MTUS2: variants seen among roughly 807,000 people sequenced by gnomAD.
The protein encoded by MTUS2 is microtubule associated scaffold protein 2, also known as microtubule-associated tumor suppressor candidate 2.
A neutral mutation model predicts 114.1 loss-of-function variants in MTUS2; 40 were observed. The ratio of observed to expected loss-of-function variants is 0.35; its 90% CI spans 0.27 to 0.46. The LOEUF (loss-of-function observed/expected upper bound fraction) is 0.46, where lower values mean the gene tolerates loss of function less well. Ranked by LOEUF, MTUS2 falls within the 20% of genes least tolerant of loss-of-function variation. The pLI, the probability that MTUS2 is intolerant of heterozygous loss-of-function variation, is 1.00. For synonymous variants in MTUS2, 688 were observed against 672.0 expected (o/e 1.02, Z -0.37); for missense variants, 1,679 against 1,705.4 (o/e 0.98, Z 0.27).
intron 5 of MTUS2, among the ~76,000 whole-genome samples, chr13:29,189,613 A>G (rs1003494384): frequency 4.0e-5 from 6 of 151,876 alleles, no homozygotes; most frequent in African/African-American, 1.2e-4. Flanking sequence ...GTACTTGACT[A>G]ATCTCTTGCT....
chr13:29,264,181 G>A, intron 5 of MTUS2, among the ~76,000 whole-genome samples: 1 of 152,220 alleles, frequency 6.6e-6, no homozygotes, highest in East Asian at 1.9e-4. Flanking sequence ...AACCCAGCAG[G>A]GCAGTCACTA....
intron 2 of MTUS2, among the ~76,000 whole-genome samples, chr13:28,943,108 C>G (rs769470220): frequency 3.3e-5 from 5 of 152,132 alleles, no homozygotes; most frequent in Non-Finnish European, 7.4e-5. Context: ...CTCAGACATT[C>G]CTATGAATGT....
chr13:28,979,844 A>G (rs1397727108), intron 2 of MTUS2, among the ~76,000 whole-genome samples: 2 of 152,194 alleles, frequency 1.3e-5, no homozygotes, highest in African/African-American at 2.4e-5. Context: ...CATTGAAATG[A>G]TATTACGATA....
chr13:29,482,201 A>T (rs1156990299), intron 10 of MTUS2: 1 of 152,052 alleles, frequency 6.6e-6, no homozygotes, highest in African/African-American at 2.4e-5. Flanking sequence ...CAGGCAGGAG[A>T]CCCTGAACGA....
At chr13:28,906,028 T>C (rs1475835300) in intron 2 of MTUS2, among the ~76,000 whole-genome samples, 13 of 151,752 alleles carry the variant, frequency 8.6e-5, no homozygotes, top group Non-Finnish European at 1.8e-4. Context: ...TTAGTTTTTC[T>C]AGTTTATTTG....
intron 4 of MTUS2, among the ~76,000 whole-genome samples, chr13:29,095,759 C>A (rs1890152383): frequency 1.3e-5 from 2 of 149,320 alleles, no homozygotes; most frequent in East Asian, 3.9e-4. Context: ...TTGTAGAGCC[C>A]CTTTAGTTAA....
intron 2 of MTUS2, among the ~76,000 whole-genome samples, chr13:28,939,395 T>C (rs77476041): frequency 0.018 from 2,722 of 152,298 alleles, 71 homozygotes; most frequent in African/African-American, 0.06. Context: ...ATATTTTGTG[T>C]GTAAAAGGGA....
intron 5 of MTUS2, among the ~76,000 whole-genome samples, chr13:29,158,358 C>CCCCCCCCCCCTTTT: frequency 3.7e-4 from 12 of 32,048 alleles, no homozygotes; most frequent in Non-Finnish European, 5.1e-4. Flanking sequence ...GTCCACCCCG[C>CCCCCCCCCCCTTTT]TTTTTTTTTT....
Position 28,838,854 on chromosome 13 carries a change from C to T in MTUS2, c.-315-924C>T, listed in dbSNP as rs376030966. ...ATGCTGGAGCTAATTCCTTTCCTTT[C>T]TTATCTTTTAGATACCATTGATGGT... On this transcript the variant is annotated intron_variant, in intron 1 of 15. Transcript: ENST00000612955. 1.0e-3 allele frequency among the ~76,000 whole-genome samples: 152 copies of T among 152,302 alleles called. 1 individual carries two copies. The highest frequency in any genetic ancestry group is 3.5e-3 in the African/African-American group (147 of 41,570).
chr13:28,932,479 A>G (rs1881671313), intron 2 of MTUS2, among the ~76,000 whole-genome samples: 1 of 152,196 alleles, frequency 6.6e-6, no homozygotes, highest in African/African-American at 2.4e-5. Context: ...AGACAACTAT[A>G]TTAGCAAATG....
intron 5 of MTUS2, among the ~76,000 whole-genome samples, chr13:29,266,702 A>C (rs2139484695): frequency 6.6e-6 from 1 of 152,298 alleles, no homozygotes; most frequent in African/African-American, 2.4e-5. Flanking sequence ...AGTTGCAAAA[A>C]GTGTGAAGCT....
intron 5 of MTUS2, among the ~76,000 whole-genome samples, chr13:29,185,499 A>G (rs1894185582): frequency 6.6e-6 from 1 of 152,226 alleles, no homozygotes; most frequent in African/African-American, 2.4e-5. Flanking sequence ...TAAACCATGA[A>G]GATCTGAATA....
At chr13:29,020,860 AG>A (rs1211320175) in intron 2 of MTUS2, among the ~76,000 whole-genome samples, 4 of 149,624 alleles carry the variant, frequency 2.7e-5, no homozygotes, top group African/African-American at 9.9e-5. Flanking sequence ...AAAAAAAAAA[AG>A]CAAGGGGATG....
At chr13:29,386,171 GA>G (rs1872618747) in intron 8 of MTUS2, among the ~76,000 whole-genome samples, 1 of 152,082 alleles carries the variant, frequency 6.6e-6, no homozygotes. Flanking sequence ...TTTTGTTAGA[GA>G]AAAAAAGTTA....
At chr13:29,258,980 G>C (rs1314932540) in intron 5 of MTUS2, among the ~76,000 whole-genome samples, 2 of 152,304 alleles carry the variant, frequency 1.3e-5, no homozygotes, top group African/African-American at 4.8e-5. Context: ...TAAAGGTCTT[G>C]CTATTGATTA....
At chr13:29,458,610 T>C (rs530761629) in intron 9 of MTUS2, among the ~76,000 whole-genome samples, 1 of 152,294 alleles carries the variant, frequency 6.6e-6, no homozygotes, top group African/African-American at 2.4e-5. Flanking sequence ...AACTACCACC[T>C]ATAAACCACT....
intron 6 of MTUS2, among the ~76,000 whole-genome samples, chr13:29,297,498 A>C (rs1043250125): frequency 7.9e-5 from 12 of 152,204 alleles, no homozygotes; most frequent in African/African-American, 2.9e-4. Flanking sequence ...AATCAACCTA[A>C]GCCTGTTGGC....
At chr13:29,466,097 C>T (rs74803148) in intron 9 of MTUS2, among the ~76,000 whole-genome samples, 7,343 of 152,314 alleles carry the variant, frequency 0.048, 188 homozygotes, top group Middle Eastern at 0.065. Context: ...TTTCCAATGC[C>T]GCTGTCTCAG....
intron 8 of MTUS2, among the ~76,000 whole-genome samples, chr13:29,381,480 A>G (rs1056759877): frequency 3.9e-5 from 6 of 152,226 alleles, no homozygotes; most frequent in African/African-American, 7.2e-5. Flanking sequence ...ATTTGCTAAC[A>G]TTTACATATG....
Sources: gnomAD v4.1 joint callset for allele counts (sites outside exome capture counted in the v4.1 genomes callset) on GRCh38, gnomAD v4.1.1 for gene constraint, MANE v1.5 for transcripts, NCBI Gene and HGNC (gene_info 2026-07-23, HGNC 2026-07-21) for gene names.